The following LPAR1 variants were observed in gnomAD, a reference collection of about 807,000 sequenced individuals.
LPAR1 encodes the protein lysophosphatidic acid receptor 1.
In LPAR1, 5 loss-of-function variants were observed where a neutral mutation model predicts 23.8. That is an observed-to-expected ratio of 0.21 (90% CI 0.11 to 0.44). The LOEUF (loss-of-function observed/expected upper bound fraction) is 0.44. Among genes scored for constraint, LPAR1 ranks in the 20% least tolerant of loss-of-function variants. The pLI is 0.99. For missense variants in LPAR1, 311 were observed against 482.8 expected, an observed-to-expected ratio of 0.64 and a Z score of 3.33; for synonymous variants, 160 against 164.7, an observed-to-expected ratio of 0.97 and a Z score of 0.22.
At chr9:110,974,890 T>TTA (rs1360170832) in intron 2 of LPAR1, among the ~76,000 whole-genome samples, 1 of 152,232 alleles carries the variant, frequency 6.6e-6, no homozygotes, top group Non-Finnish European at 1.5e-5. Context: ...TACACTGAAC[T>TTA]TATTCCTGGC....
intron 5 of LPAR1, among the ~76,000 whole-genome samples, chr9:110,925,106 C>T (rs1312895163): frequency 1.3e-5 from 2 of 152,034 alleles, no homozygotes; most frequent in Non-Finnish European, 2.9e-5. Context: ...GGCAATATGC[C>T]ACCCACGCTG....
chr9:111,033,344 T>C (rs1238942743), intron 2 of LPAR1, among the ~76,000 whole-genome samples: 1 of 152,142 alleles, frequency 6.6e-6, no homozygotes, highest in East Asian at 1.9e-4. Context: ...ACCACCACCA[T>C]GCCACCCCTC....
intron 2 of LPAR1, among the ~76,000 whole-genome samples, chr9:111,016,643 G>A (rs931276184): frequency 6.6e-6 from 1 of 152,202 alleles, no homozygotes; most frequent in Non-Finnish European, 1.5e-5. Context: ...CACAAAGAGA[G>A]GATGCAGTAT....
intron 2 of LPAR1, among the ~76,000 whole-genome samples, chr9:111,034,454 CA>C (rs1246993872): frequency 2.0e-5 from 3 of 152,176 alleles, no homozygotes. Context: ...AGAATGACTT[CA>C]ACCCCACATG....
chr9:110,972,041 A>T, intron 4 of LPAR1, 32 bp downstream of exon 4: 1 of 1,594,038 alleles, frequency 6.3e-7, no homozygotes, highest in Non-Finnish European at 8.6e-7. Flanking sequence ...ACTTACGATT[A>T]CCTCAGACCT....
intron 5 of LPAR1, among the ~76,000 whole-genome samples, chr9:110,879,830 G>A (rs930778829): frequency 1.3e-5 from 2 of 152,224 alleles, no homozygotes; most frequent in South Asian, 4.1e-4. Flanking sequence ...GTATTTAGGA[G>A]ACGGACTCCA....
intron 5 of LPAR1, among the ~76,000 whole-genome samples, chr9:110,908,621 A>G (rs2091833727): frequency 6.6e-6 from 1 of 152,214 alleles, no homozygotes; most frequent in Non-Finnish European, 1.5e-5. Context: ...ACTGTGAGGA[A>G]GTACCTTTTC....
chr9:110,998,224 C>T (rs1055387719), intron 2 of LPAR1, among the ~76,000 whole-genome samples: 3 of 152,142 alleles, frequency 2.0e-5, no homozygotes, highest in Admixed American at 6.6e-5. Flanking sequence ...TAAAATAATA[C>T]ATAATTCAAG....
At chr9:110,952,198 G>A (rs189013867) in intron 4 of LPAR1, among the ~76,000 whole-genome samples, 4 of 152,276 alleles carry the variant, frequency 2.6e-5, no homozygotes, top group South Asian at 4.1e-4. Context: ...TGGGACTGGC[G>A]AGAAGCCTGG....
intron 2 of LPAR1, among the ~76,000 whole-genome samples, chr9:111,010,042 T>TATATATATAC: frequency 1.7e-5 from 2 of 117,474 alleles, no homozygotes; most frequent in South Asian, 2.8e-4. Context: ...TATATATATA[T>TATATATATAC]ATATGGATAC....
At chr9:110,948,423 A>C (rs973229857) in intron 4 of LPAR1, among the ~76,000 whole-genome samples, 1 of 152,250 alleles carries the variant, frequency 6.6e-6, no homozygotes, top group Non-Finnish European at 1.5e-5. Context: ...TAGGAGGTTT[A>C]TCTGAAAAAG....
chr9:111,032,547 A>G (rs539610008), intron 2 of LPAR1, among the ~76,000 whole-genome samples: 33 of 151,502 alleles, frequency 2.2e-4, no homozygotes, highest in South Asian at 8.3e-4. Context: ...AGATGGGGGG[A>G]AAAAAAGTTT....
At chr9:110,934,520 A>G (rs560731050) in intron 5 of LPAR1, 1 of 152,312 alleles carries the variant, frequency 6.6e-6, no homozygotes, top group East Asian at 1.9e-4. Flanking sequence ...AATAAAAAAG[A>G]AGGTGGAATG....
At chr9:110,907,388 A>G (rs1051520376) in intron 5 of LPAR1, among the ~76,000 whole-genome samples, 7 of 152,140 alleles carry the variant, frequency 4.6e-5, no homozygotes, top group African/African-American at 1.7e-4. Flanking sequence ...AATGGAACAG[A>G]CTCTGGTGAA....
At chr9:110,889,277 G>A (rs2083351895) in intron 5 of LPAR1, among the ~76,000 whole-genome samples, 1 of 152,158 alleles carries the variant, frequency 6.6e-6, no homozygotes, top group Non-Finnish European at 1.5e-5. Flanking sequence ...AGAATGGTGT[G>A]AAGCCGGGAG....
At chr9:110,954,285 T>C (rs2136869545) in intron 4 of LPAR1, among the ~76,000 whole-genome samples, 1 of 151,744 alleles carries the variant, frequency 6.6e-6, no homozygotes, top group Non-Finnish European at 1.5e-5. Flanking sequence ...AACAAAAGGA[T>C]AAAAAAAGAA....
intron 2 of LPAR1, among the ~76,000 whole-genome samples, chr9:111,031,407 G>GA (rs1354085692): frequency 0.02 from 1,828 of 89,946 alleles, 30 homozygotes; most frequent in African/African-American, 0.065. Flanking sequence ...AAAAAAAAAA[G>GA]AAAAAAAAAA....
At chr9:111,023,075 A>C (rs938884505) in intron 2 of LPAR1, among the ~76,000 whole-genome samples, 1 of 151,390 alleles carries the variant, frequency 6.6e-6, no homozygotes, top group Non-Finnish European at 1.5e-5. Flanking sequence ...AAAAAAAAAA[A>C]AACCCTGCTA....
In LPAR1 at chr9:110,941,056, T is replaced by A. The variant is rs188156456; in HGVS notation, c.793+365A>T. 1.3e-5 allele frequency among the ~76,000 whole-genome samples: 2 copies of A among 152,346 alleles called. No individual in the cohort carries two copies. The highest frequency in any genetic ancestry group is 3.9e-4 in the East Asian group (2 of 5,186). On this transcript the variant is annotated intron_variant, in intron 5 of 5. Transcript: ENST00000683809. This position sits in a 1 kb window ranked among gnomAD's most constrained non-coding sequence, Gnocchi z 6.1. ...ATATTCTACAAAAGCACTTTCTGTCTGAAAATATGTAATACAGAAACCACA... is the reference window on the plus strand; with the variant it reads ...ATATTCTACAAAAGCACTTTCTGTCAGAAAATATGTAATACAGAAACCACA...
Sources: allele counts gnomAD v4.1 joint callset (sites outside exome capture counted in the v4.1 genomes callset), GRCh38; gene constraint gnomAD v4.1.1; non-coding constraint Gnocchi (gnomAD v3.1); transcripts MANE v1.5; gene names NCBI Gene and HGNC (gene_info 2026-07-23, HGNC 2026-07-21).